FTO: variants seen among roughly 807,000 people sequenced by gnomAD.
FTO encodes the protein alpha-ketoglutarate-dependent dioxygenase FTO.
FTO carries 47 observed loss-of-function variants against 63.9 expected under a neutral mutation model. The ratio of observed to expected loss-of-function variants is 0.74; its 90% CI spans 0.58 to 0.94. The LOEUF (loss-of-function observed/expected upper bound fraction) is 0.94, where lower values mean the gene tolerates loss of function less well. FTO is among the 40% of genes least tolerant of loss of function. The pLI is 0.00. For missense variants in FTO, 562 were observed against 618.1 expected (o/e 0.91, Z 0.96); for synonymous variants, 207 against 224.4 (o/e 0.92, Z 0.69).
chr16:53,711,361 A>G, intron 1 of FTO: 1 of 398,462 alleles, frequency 2.5e-6, no homozygotes, highest in Non-Finnish European at 4.4e-6. Context: ...TGTGGTTCAG[A>G]TAAGGAACCT....
At chr16:53,940,495 A>C (rs2082502899) in intron 8 of FTO, among the ~76,000 whole-genome samples, 1 of 152,004 alleles carries the variant, frequency 6.6e-6, no homozygotes, top group Non-Finnish European at 1.5e-5. Context: ...TTTTTTCTAG[A>C]GATTACCTAC....
chr16:54,017,538 A>G (rs757074170), intron 8 of FTO, among the ~76,000 whole-genome samples: 7 of 152,242 alleles, frequency 4.6e-5, no homozygotes, highest in Non-Finnish European at 1.0e-4. Context: ...TGTATTCTGA[A>G]GCAGAACACT....
intron 8 of FTO, chr16:54,070,952 A>G (rs1474308042): frequency 6.6e-6 from 1 of 152,246 alleles, no homozygotes; most frequent in African/African-American, 2.4e-5. Flanking sequence ...CTTGCTCTCA[A>G]GACTGACTCT....
At chr16:53,846,137 T>G (rs948875242) in intron 4 of FTO, among the ~76,000 whole-genome samples, 2 of 152,202 alleles carry the variant, frequency 1.3e-5, no homozygotes, top group African/African-American at 4.8e-5. Context: ...AGGCATCTTA[T>G]GCAGTGCTTT....
chr16:54,018,421 CATA>C (rs2084509009), intron 8 of FTO, among the ~76,000 whole-genome samples: 3 of 72,928 alleles, frequency 4.1e-5, no homozygotes, highest in South Asian at 3.6e-4. Flanking sequence ...TACATACATA[CATA>C]CATACATACA....
chr16:53,854,383 C>T (rs764495445), intron 4 of FTO, among the ~76,000 whole-genome samples: 1 of 151,950 alleles, frequency 6.6e-6, no homozygotes, highest in Non-Finnish European at 1.5e-5. Context: ...CTTGCCTAGC[C>T]CAATGTCTAG....
chr16:53,776,945 T>A lies in FTO; in HGVS notation c.46-33195T>A, dbSNP rs552377827. Among the ~76,000 whole-genome samples the A allele has an allele frequency of 1.4e-4, 22 of 152,310 alleles. 1 individual carries two copies. The South Asian group carries it at 4.4e-3, about 30-fold the overall frequency. ...CTTCTATTTTAAAACATTTTTGTTTTTAATTGACAATAATTATCTATATTT... is the reference window on the plus strand; with the variant it reads ...CTTCTATTTTAAAACATTTTTGTTTATAATTGACAATAATTATCTATATTT... On this transcript the variant is annotated intron_variant, in intron 1 of 8. Transcript: ENST00000471389.
intron 1 of FTO, among the ~76,000 whole-genome samples, chr16:53,720,477 C>T (rs1470598284): frequency 6.6e-6 from 1 of 151,520 alleles, no homozygotes; most frequent in African/African-American, 2.4e-5. Context: ...TTGAAATAGA[C>T]AATATTGTAC....
intron 8 of FTO, chr16:53,956,859 T>C (rs2082943304): frequency 6.6e-6 from 1 of 152,066 alleles, no homozygotes; most frequent in African/African-American, 2.4e-5. Context: ...GAGACGGGGT[T>C]TCTCCATGTT....
chr16:54,038,058 T>C (rs2084985087), intron 8 of FTO, among the ~76,000 whole-genome samples: 1 of 152,194 alleles, frequency 6.6e-6, no homozygotes, highest in African/African-American at 2.4e-5. Flanking sequence ...GCCATATATA[T>C]TTTGGGCACA....
intron 1 of FTO, among the ~76,000 whole-genome samples, chr16:53,782,562 T>C (rs1038362693): frequency 1.3e-5 from 2 of 152,228 alleles, no homozygotes; most frequent in Non-Finnish European, 2.9e-5. Context: ...TCTTTCCTAA[T>C]AGAATATACA....
chr16:53,950,084 T>TC (rs1329040859), intron 8 of FTO, among the ~76,000 whole-genome samples: 1 of 148,458 alleles, frequency 6.7e-6, no homozygotes, highest in Non-Finnish European at 1.5e-5. Context: ...TTTTTTTTTT[T>TC]TGGTGTGTAA....
At chr16:53,890,385 C>A (rs567195569) in intron 7 of FTO, among the ~76,000 whole-genome samples, 1 of 152,196 alleles carries the variant, frequency 6.6e-6, no homozygotes, top group Non-Finnish European at 1.5e-5. Flanking sequence ...TCCATCACCT[C>A]CAAAAGTTTT....
At chr16:54,107,907 A>G (rs1180050707) in intron 8 of FTO, among the ~76,000 whole-genome samples, 1 of 152,120 alleles carries the variant, frequency 6.6e-6, no homozygotes, top group African/African-American at 2.4e-5. Flanking sequence ...CAGTCCTCTG[A>G]TTTATTCTCT....
At chr16:53,770,147 A>G (rs764688834) in intron 1 of FTO, among the ~76,000 whole-genome samples, 7 of 152,200 alleles carry the variant, frequency 4.6e-5, no homozygotes, top group Admixed American at 2.0e-4. Context: ...CAGAATTGAA[A>G]TGAATAAATG....
chr16:53,749,730 C>T lies in FTO; in HGVS notation c.45+45501C>T, dbSNP rs534039128. On this transcript the variant is annotated intron_variant, in intron 1 of 8. Transcript: ENST00000471389. ...CTGGGATCACAAGCGTGAGCCACTG[C>T]GCCCGGCCAAGATTTTAATTCTTTA... Among the ~76,000 whole-genome samples, 4 of 152,184 alleles carry T rather than the reference C, an allele frequency of 2.6e-5. No homozygotes were observed. In the East Asian group the frequency reaches 5.8e-4, roughly 22 times the overall value.
At chr16:54,061,318 T>A (rs771542585) in intron 8 of FTO, among the ~76,000 whole-genome samples, 6 of 152,326 alleles carry the variant, frequency 3.9e-5, no homozygotes, top group Admixed American at 2.6e-4. Flanking sequence ...TTATTAATTC[T>A]GCTAACTTTC....
At chr16:53,918,422 C>T (rs2081934046) in intron 7 of FTO, among the ~76,000 whole-genome samples, 1 of 152,050 alleles carries the variant, frequency 6.6e-6, no homozygotes, top group Non-Finnish European at 1.5e-5. Context: ...ATAGAAAAGG[C>T]AGAGTAAAAA....
intron 4 of FTO, among the ~76,000 whole-genome samples, chr16:53,863,108 C>G (rs1396268988): frequency 2.0e-5 from 3 of 152,202 alleles, no homozygotes; most frequent in African/African-American, 7.2e-5. Context: ...CATACTGTTT[C>G]AGCTTCATGT....
Sources: gnomAD v4.1 joint callset for allele counts (sites outside exome capture counted in the v4.1 genomes callset) on GRCh38, gnomAD v4.1.1 for gene constraint, MANE v1.5 for transcripts, NCBI Gene and HGNC (gene_info 2026-07-23, HGNC 2026-07-21) for gene names.